MYH14: variants seen among roughly 807,000 people sequenced by gnomAD.
MYH14 encodes the protein myosin heavy chain 14, also known as myosin-14.
Under a neutral mutation model 255.5 loss-of-function variants are expected in MYH14, and 123 were observed. The observed-to-expected ratio is 0.48, with a 90% CI of 0.42 to 0.56. The LOEUF (loss-of-function observed/expected upper bound fraction) is 0.56, where lower values mean the gene tolerates loss of function less well. Ranked by LOEUF, MYH14 falls within the 20% of genes least tolerant of loss-of-function variation. The pLI is 0.00. For synonymous variants in MYH14, 1,095 were observed against 1,161.2 expected, an observed-to-expected ratio of 0.94 and a Z score of 1.16; for missense variants, 2,423 against 2,802.3, an observed-to-expected ratio of 0.86 and a Z score of 3.06.
At chr19:50,223,226 T>G (rs374935055) in intron 4 of MYH14, 21 bp from the exon 5 acceptor site, 1 of 1,612,808 alleles carries the variant, frequency 6.2e-7, no homozygotes, top group African/African-American at 1.3e-5. Context: ...ACCCCTTTGC[T>G]TCCCCTTGTC....
chr19:50,220,945 G>A (rs1021171345), intron 3 of MYH14, among the ~76,000 whole-genome samples: 2 of 152,082 alleles, frequency 1.3e-5, no homozygotes, highest in Non-Finnish European at 2.9e-5. Flanking sequence ...TATTTCTCCT[G>A]GCAGGTCTAT....
At position 50,230,248 on chromosome 19, in the gene MYH14, G is replaced by T. The variant is rs752502066; in HGVS notation, c.875-277G>T. On this transcript the variant is annotated intron_variant, in intron 8 of 42. Coordinates refer to ENST00000642316, the MANE Select transcript of MYH14 (RefSeq NM_001145809.2). The surrounding 1 kb of genome is among the most constrained non-coding windows in gnomAD (Gnocchi z 4.7). ...TTTTTTAGAGACAGAGCAAGACCCT[G>T]TCTCTAAAAAGAGAGAGAGAGAGAG... Among the ~76,000 whole-genome samples the T allele has an allele frequency of 4.6e-5, 7 of 151,824 alleles. No homozygotes were observed. The highest frequency in any genetic ancestry group is 1.3e-4 in the Admixed American group (2 of 15,262).
At chr19:50,248,105 T>C (rs1225892204) in intron 12 of MYH14, among the ~76,000 whole-genome samples, 1 of 141,164 alleles carries the variant, frequency 7.1e-6, no homozygotes, top group East Asian at 2.1e-4. Context: ...TTGAAGGAGG[T>C]CAGGTCAGTG....
intron 3 of MYH14, among the ~76,000 whole-genome samples, chr19:50,219,939 A>G (rs1369540307): frequency 3.3e-5 from 5 of 152,048 alleles, no homozygotes; most frequent in African/African-American, 9.7e-5. Flanking sequence ...GGTGGCTCAC[A>G]CCTGTAATCC....
rs2035450201 is a variant in MYH14, at chr19:50,274,936, A to C, written c.3468-1055A>C. ...ACAGAACGAGACCCTCTCTCTCAAA[A>C]AAAAAAAAAAAAAGAAAGCAGCCAC... On this transcript the variant is annotated intron_variant, in intron 27 of 42. Transcript: ENST00000642316. Among the ~76,000 whole-genome samples the C allele has an allele frequency of 4.0e-5, 6 of 150,854 alleles. No homozygotes were observed. The South Asian group carries it at 1.0e-3, about 26-fold the overall frequency.
Position 50,263,267 on chromosome 19 carries a change from C to T in MYH14, c.2586-45C>T, listed in dbSNP as rs368639905. On this transcript the variant is annotated intron_variant, in intron 21 of 42. Transcript: ENST00000642316. ...CTTGGCTCTCTTGCTAAGGGGATGG[C>T]GCCTGGAGGCTCCCACTCTGCCCCT... 114 of 1,273,042 alleles carry T rather than the reference C, an allele frequency of 9.0e-5. No homozygotes were observed. In the African/African-American group the frequency reaches 1.6e-3, roughly 17 times the overall value. The allele number at this position is 1,273,042 out of a possible 1,614,324, so 78.9% of individuals were successfully genotyped here.
chr19:50,285,384 G>T (rs931395575), intron 33 of MYH14: 5 of 152,190 alleles, frequency 3.3e-5, no homozygotes, highest in Admixed American at 6.5e-5. Context: ...GAGGAAGAGG[G>T]TATATACGTC....
At chr19:50,215,323 A>C (rs2032419966) in intron 2 of MYH14, among the ~76,000 whole-genome samples, 1 of 152,084 alleles carries the variant, frequency 6.6e-6, no homozygotes, top group African/African-American at 2.4e-5. Flanking sequence ...CGGCCGCCCC[A>C]CCCTCTGAGA....
chr19:50,229,872 T>G (rs1399951972), intron 8 of MYH14, among the ~76,000 whole-genome samples: 1 of 152,108 alleles, frequency 6.6e-6, no homozygotes, highest in African/African-American at 2.4e-5. Flanking sequence ...TCATGCACAA[T>G]AAGTCATTTA....
intron 9 of MYH14, 124 bp from the exon 10 acceptor site, chr19:50,231,806 G>T: frequency 7.3e-7 from 1 of 1,362,646 alleles, no homozygotes. Context: ...ACACTTGTGA[G>T]TAAAGGCCCC....
chr19:50,310,209 C>T lies in MYH14; in HGVS notation c.*419C>T. 3.8e-6 allele frequency: 1 copy of T among 261,496 alleles called. No homozygotes were observed. The highest frequency in any genetic ancestry group is 7.3e-6 in the Non-Finnish European group (1 of 136,878). 16.2% of individuals were successfully genotyped at this position (261,496 alleles called of 1,614,324 possible). A position where few individuals can be genotyped will look rare whatever the true frequency, so the allele number is the denominator to read the frequency against. ...TCTCTCTCTCCCTCCCTCTCCTTCC[C>T]TACCCTCTCACCATCTTTCTTGGCC... On this transcript the variant is annotated 3_prime_UTR_variant, in exon 43 of 43. Transcript: ENST00000642316.
At chr19:50,273,632 G>GTGTGTGTGTGTGT (rs1568526399) in intron 27 of MYH14, among the ~76,000 whole-genome samples, 1 of 151,252 alleles carries the variant, frequency 6.6e-6, no homozygotes, top group African/African-American at 2.4e-5. Flanking sequence ...GTGTGTGTGT[G>GTGTGTGTGTGTGT]GTTAAGAACA....
chr19:50,283,199 A>T (rs181270475), intron 33 of MYH14, among the ~76,000 whole-genome samples: 1 of 151,982 alleles, frequency 6.6e-6, no homozygotes, highest in East Asian at 1.9e-4. Context: ...AGCTCACTGC[A>T]ACCTCCACCT....
At position 50,276,091 on chromosome 19, in the gene MYH14, G is replaced by A. The variant is rs746766667; in HGVS notation, c.3568G>A (p.Val1190Met). Reference sequence around the variant, plus strand: ...CCAGGAGGACCTGGAGTCTGAGCGTGTGGCCAGGACCAAGGCGGAGAAGCA... The same window carrying A: ...CCAGGAGGACCTGGAGTCTGAGCGTATGGCCAGGACCAAGGCGGAGAAGCA... Reference protein sequence around the residue: ...EAQEDLESERVARTKAEKQRR... With the variant: ...EAQEDLESERMARTKAEKQRR... The change falls in exon 28 of 43, where the codon GTG (valine) becomes ATG (methionine). Residue 1190 changes from valine (V) to methionine (M), a missense_variant. This residue lies in a region of MYH14 where 1,513 missense variants were observed against 1,674.8 expected (regional missense o/e 0.90). Coordinates refer to ENST00000642316, the MANE Select transcript of MYH14 (RefSeq NM_001145809.2). The surrounding 1 kb of genome is among the most constrained non-coding windows in gnomAD (Gnocchi z 4.3). 19 of 1,610,164 alleles carry A rather than the reference G, an allele frequency of 1.2e-5. No homozygotes were observed. Among genetic ancestry groups the A allele is most frequent in the East Asian group, 1.1e-4 (5 of 44,758 alleles).
intron 2 of MYH14, among the ~76,000 whole-genome samples, chr19:50,213,271 C>A (rs1024095250): frequency 1.3e-5 from 2 of 152,128 alleles, no homozygotes; most frequent in Admixed American, 1.3e-4. Flanking sequence ...TTAATAAATA[C>A]TCTGAGCGCT....
intron 17 of MYH14, among the ~76,000 whole-genome samples, chr19:50,256,615 C>T (rs899754602): frequency 1.3e-5 from 2 of 152,172 alleles, no homozygotes; most frequent in South Asian, 4.1e-4. Context: ...CTTAGGTGAT[C>T]CACCCGCCTT....
intron 9 of MYH14, chr19:50,231,137 G>A (rs593715): frequency 0.25 from 40,420 of 164,688 alleles, 5,281 homozygotes; most frequent in East Asian, 0.51. Flanking sequence ...CTTGGCTCCT[G>A]TTTGCAGTGG....
chr19:50,295,715 C>T (rs750021618), intron 39 of MYH14, among the ~76,000 whole-genome samples: 1 of 151,358 alleles, frequency 6.6e-6, no homozygotes, highest in African/African-American at 2.4e-5. Flanking sequence ...CACCTGAGCC[C>T]AGGGAGGTCG....
Position 50,226,779 on chromosome 19 carries a change from G to A in MYH14, c.811-124G>A, listed in dbSNP as rs2033126823. The A allele has an allele frequency of 4.7e-6, 4 of 851,854 alleles. No homozygotes were observed. The Admixed American group carries it at 6.2e-5, about 13-fold the overall frequency. 52.8% of individuals were successfully genotyped at this position (851,854 alleles called of 1,614,324 possible). ...CCACAGGATGGGGTTCAGGTAGAGGGAGCAAGGAAGTGGGGGGGCAGCCGC... is the reference window on the plus strand; with the variant it reads ...CCACAGGATGGGGTTCAGGTAGAGGAAGCAAGGAAGTGGGGGGGCAGCCGC... On this transcript the variant is annotated intron_variant, in intron 7 of 42. Coordinates refer to ENST00000642316, the MANE Select transcript of MYH14 (RefSeq NM_001145809.2).
Sources: allele counts gnomAD v4.1 joint callset (sites outside exome capture counted in the v4.1 genomes callset), GRCh38; gene constraint gnomAD v4.1.1; regional missense constraint gnomAD v4.1.1; non-coding constraint Gnocchi (gnomAD v3.1); transcripts MANE v1.5; gene names NCBI Gene and HGNC (gene_info 2026-07-23, HGNC 2026-07-21).